The following USP8 variants were observed in gnomAD, a reference collection of about 807,000 sequenced individuals.
The protein encoded by USP8 is ubiquitin specific peptidase 8.
USP8 carries 27 observed loss-of-function variants against 130.0 expected under a neutral mutation model. The ratio of observed to expected loss-of-function variants is 0.21; its 90% CI spans 0.15 to 0.29. The LOEUF is 0.29. USP8 is among the 10% of genes least tolerant of loss of function. USP8 has a pLI of 1.00. For missense variants in USP8, 1,029 were observed against 1,312.2 expected (o/e 0.78, Z 3.33); for synonymous variants, 392 against 444.1 (o/e 0.88, Z 1.48).
At chr15:50,462,360 T>G in intron 6 of USP8, 38 bp downstream of exon 6, 2 of 1,555,318 alleles carry the variant, frequency 1.3e-6, no homozygotes, top group Non-Finnish European at 1.7e-6. Context: ...TTTTAGGTTC[T>G]GACTGAGATC....
chr15:50,445,868 A>T (rs1286525497), intron 3 of USP8, among the ~76,000 whole-genome samples: 4 of 152,020 alleles, frequency 2.6e-5, no homozygotes, highest in Non-Finnish European at 5.9e-5. Context: ...AAAAAAAAAA[A>T]AAAAATTGAG....
Position 50,501,171 on chromosome 15 carries a change from T to A in USP8, c.*2083T>A, listed in dbSNP as rs2052579332. 8.4e-6 allele frequency: 2 copies of A among 238,494 alleles called. No homozygotes were observed. Among genetic ancestry groups the A allele is most frequent in the African/African-American group, 2.3e-5 (1 of 44,230 alleles). The allele number at this position is 238,494 out of a possible 1,614,324, so 14.8% of individuals were successfully genotyped here. On this transcript the variant is annotated 3_prime_UTR_variant, in exon 20 of 20. Coordinates refer to ENST00000307179, the MANE Select transcript of USP8 (RefSeq NM_005154.5). ...TAAAGGAAATTTTACAATAAGAAGATAATTCAGGCCGGGCACAGTGGCTCA... is the reference window on the plus strand; with the variant it reads ...TAAAGGAAATTTTACAATAAGAAGAAAATTCAGGCCGGGCACAGTGGCTCA...
chr15:50,470,533 A>G (rs957888515), intron 7 of USP8, among the ~76,000 whole-genome samples: 1 of 151,844 alleles, frequency 6.6e-6, no homozygotes, highest in Admixed American at 6.6e-5. Context: ...GAAGGGGGCC[A>G]GTAGTTAGAG....
At chr15:50,477,707 G>A (rs1267394640) in intron 10 of USP8, among the ~76,000 whole-genome samples, 3 of 151,994 alleles carry the variant, frequency 2.0e-5, no homozygotes, top group Non-Finnish European at 4.4e-5. Context: ...TGGGCATGGT[G>A]GTGGGTGCCT....
At chr15:50,475,865 A>C (rs2051551457) in intron 8 of USP8, among the ~76,000 whole-genome samples, 1 of 152,114 alleles carries the variant, frequency 6.6e-6, no homozygotes, top group Non-Finnish European at 1.5e-5. Flanking sequence ...GGCCTTCCAA[A>C]GTGCTGGGAT....
chr15:50,425,862 T>G (rs2049695909), intron 1 of USP8, among the ~76,000 whole-genome samples: 1 of 152,170 alleles, frequency 6.6e-6, no homozygotes, highest in South Asian at 2.1e-4. Flanking sequence ...GTGGCTCACA[T>G]CTGTAATCCT....
At position 50,484,346 on chromosome 15, in the gene USP8, T is replaced by C. The variant is rs776610503; in HGVS notation, c.1875T>C (p.Asp625=). ...RTGTFREDTD[D]TERNKAQREP... ...GAACTTTTAGAGAGGATACAGACGATACCGAAAGAAATAAAGTAAGTAGTT... is the reference window on the plus strand; with the variant it reads ...GAACTTTTAGAGAGGATACAGACGACACCGAAAGAAATAAAGTAAGTAGTT... The change falls in exon 12 of 20, where the codon GAT becomes GAC. Residue 625 remains aspartate (D), a synonymous_variant. Coordinates refer to ENST00000307179, the MANE Select transcript of USP8 (RefSeq NM_005154.5). 15 of 1,611,660 alleles carry C rather than the reference T, an allele frequency of 9.3e-6. No individual in the cohort carries two copies. Among genetic ancestry groups the C allele is most frequent in the Non-Finnish European group, 1.2e-5 (14 of 1,179,136 alleles).
chr15:50,480,373 A>C (rs1406880950), intron 10 of USP8, among the ~76,000 whole-genome samples: 1 of 152,230 alleles, frequency 6.6e-6, no homozygotes, highest in African/African-American at 2.4e-5. Context: ...TAACTGTGCC[A>C]GGCACAGTCT....
intron 4 of USP8, chr15:50,458,533 T>C (rs188509254): frequency 6.1e-6 from 1 of 163,674 alleles, no homozygotes; most frequent in East Asian, 1.9e-4. Flanking sequence ...TGCCAACAAG[T>C]TGGAAATTTC....
At position 50,509,675 on chromosome 15, in the gene USP8, A is replaced by AAAATT. The variant is rs2052713818; in HGVS notation, c.*10590_*10591insTTAAA. 1 of 152,124 alleles carries AAAATT rather than the reference A, an allele frequency of 6.6e-6. No individual in the cohort carries two copies. 9.4% of individuals were successfully genotyped at this position (152,124 alleles called of 1,614,324 possible). ...AAAATAAAATAAAATAAAATAAAAT[A>AAAATT]AAAAAGAGACAAGTCAACGATAAAA... On this transcript the variant is annotated 3_prime_UTR_variant, in exon 20 of 20. Transcript: ENST00000307179.
chr15:50,497,924 C>T (rs1304570069), intron 18 of USP8, among the ~76,000 whole-genome samples: 2 of 152,080 alleles, frequency 1.3e-5, no homozygotes, highest in Non-Finnish European at 2.9e-5. Flanking sequence ...TTCTTAGTTC[C>T]ATATATTAAT....
intron 4 of USP8, among the ~76,000 whole-genome samples, chr15:50,451,410 C>CA (rs988990530): frequency 2.0e-5 from 3 of 150,632 alleles, no homozygotes; most frequent in African/African-American, 2.4e-5. Flanking sequence ...GACTCTGTCT[C>CA]AAAAAAAGAA....
At chr15:50,489,592 C>A in intron 12 of USP8, 1 of 263,080 alleles carries the variant, frequency 3.8e-6, no homozygotes, top group South Asian at 5.9e-5. Context: ...ACATACTCCT[C>A]TACACCTTGG....
rs377647055 is a variant in USP8, at chr15:50,462,284, A to G, written c.503A>G (p.Asn168Ser). The G allele has an allele frequency of 1.6e-5, 26 of 1,602,002 alleles. No individual in the cohort carries two copies. The highest frequency in any genetic ancestry group is 2.0e-5 in the Non-Finnish European group (23 of 1,176,890). The change falls in exon 6 of 20, where the codon AAT becomes AGT. Residue 168 changes from asparagine to serine, a missense_variant. Asn to Ser is a conservative substitution (Grantham distance 46, BLOSUM62 1). Around this residue, in one of 4 missense-constraint regions of USP8, gnomAD observed 281 missense variants for 336.7 expected, o/e 0.83. Transcript: ENST00000307179. ...LDSKDKTQKS[N>S]GEKNEKCETK... Reference sequence around the variant, plus strand: ...TTTTTTTTTCCTATGCAATAGAGCAATGGTGAAAAGAATGAAAAATGTGAG... The same window carrying G: ...TTTTTTTTTCCTATGCAATAGAGCAGTGGTGAAAAGAATGAAAAATGTGAG...
rs748233644 is a variant in USP8, at chr15:50,500,785, G to T, written c.*1697G>T. The T allele has an allele frequency of 3.1e-6, 5 of 1,590,072 alleles. No homozygotes were observed. The Admixed American group carries it at 8.9e-5, about 28-fold the overall frequency. On this transcript the variant is annotated 3_prime_UTR_variant, in exon 20 of 20. Coordinates refer to ENST00000307179, the MANE Select transcript of USP8 (RefSeq NM_005154.5). The stretch of plus-strand genomic sequence containing the variant: ...AAAGCTATATCAGGCCTGGGTGACT[G>T]AATTCTTGCAGAAAGCAGTGTAGTG...
At chr15:50,484,451 T>A in intron 12 of USP8, 90 bp downstream of exon 12, 2 of 1,047,890 alleles carry the variant, frequency 1.9e-6, no homozygotes, top group East Asian at 5.0e-5. Flanking sequence ...CTATCTTTTA[T>A]CATGAGATCT....
At chr15:50,453,093 A>G (rs922233513) in intron 4 of USP8, among the ~76,000 whole-genome samples, 3 of 152,220 alleles carry the variant, frequency 2.0e-5, no homozygotes, top group African/African-American at 7.2e-5. Flanking sequence ...AGTTCTTAAC[A>G]CAGTGCAGTA....
intron 10 of USP8, among the ~76,000 whole-genome samples, chr15:50,478,172 A>T (rs144516415): frequency 6.8e-4 from 103 of 152,344 alleles, no homozygotes; most frequent in African/African-American, 2.4e-3. Flanking sequence ...TATGATAGGT[A>T]TGTGATGTCA....
intron 8 of USP8, among the ~76,000 whole-genome samples, chr15:50,473,843 T>A (rs926498044): frequency 4.6e-5 from 7 of 151,408 alleles, no homozygotes; most frequent in Non-Finnish European, 8.8e-5. Flanking sequence ...AATTTAATTT[T>A]ATTTATTTCG....
Sources: allele counts gnomAD v4.1 joint callset (sites outside exome capture counted in the v4.1 genomes callset), GRCh38; gene constraint gnomAD v4.1.1; regional missense constraint gnomAD v4.1.1; transcripts MANE v1.5; gene names NCBI Gene and HGNC (gene_info 2026-07-23, HGNC 2026-07-21).